The following PLTP variants were observed in gnomAD, a reference collection of about 807,000 sequenced individuals.
PLTP encodes the protein phospholipid transfer protein.
Under a neutral mutation model 54.1 loss-of-function variants are expected in PLTP, and 43 were observed. The observed-to-expected ratio is 0.79, with a 90% CI of 0.62 to 1.02. PLTP has a LOEUF of 1.02. Ranked by LOEUF, PLTP falls within the 50% of genes least tolerant of loss-of-function variation. The pLI is 0.00. For missense variants in PLTP, 604 were observed against 645.9 expected (o/e 0.94, Z 0.70); for synonymous variants, 263 against 264.6 (o/e 0.99, Z 0.06).
intron 12 of PLTP, among the ~76,000 whole-genome samples, chr20:45,901,373 C>T (rs375344296): frequency 2.0e-5 from 3 of 151,758 alleles, no homozygotes; most frequent in Non-Finnish European, 2.9e-5. Flanking sequence ...TAAGGTGGGA[C>T]GATCACTTGA....
Position 45,899,670 on chromosome 20 carries a change from C to G in PLTP, c.1234G>C (p.Ala412Pro). The G allele has an allele frequency of 6.2e-7, 1 of 1,613,668 alleles. No homozygotes were observed. Among genetic ancestry groups the G allele is most frequent in the Non-Finnish European group, 8.5e-7 (1 of 1,179,922 alleles). ...LESLALIPLQ[A>P]PLKTMLQIGV... ...ATCTGCAGCATGGTCTTCAGAGGGG[C>G]CTGTAATGGGATCAGCTGGGAGGGG... The change falls in exon 14 of 16, where the codon GCC becomes CCC. Residue 412 changes from alanine to proline, a missense_variant. By Grantham distance (27) the Ala-to-Pro change is conservative (BLOSUM62 -1). Transcript: ENST00000372431.
At chr20:45,909,389 A>T in intron 5 of PLTP, 127 bp downstream of exon 5, 1 of 966,272 alleles carries the variant, frequency 1.0e-6, no homozygotes, top group Non-Finnish European at 1.6e-6. Context: ...TCACACAGCC[A>T]GGAAGTGACA....
In PLTP at chr20:45,911,453, G is replaced by A. The variant is rs2083292280; in HGVS notation, c.-1C>T. ...GGAAGAGGGCCCCGAAGAGGGCCAT[G>A]GCGAGCGGGCCTGGGGGTGGGGTGG... On this transcript the variant is annotated 5_prime_UTR_variant, in exon 2 of 16. Coordinates refer to ENST00000372431, the MANE Select transcript of PLTP (RefSeq NM_006227.4). 1 of 1,603,174 alleles carries A rather than the reference G, an allele frequency of 6.2e-7. No homozygotes were observed. Among genetic ancestry groups the A allele is most frequent in the African/African-American group, 1.3e-5 (1 of 74,942 alleles).
rs1329820751 is a variant in PLTP at position 45,899,860 on chromosome 20, G to C, written c.1194C>G (p.Asn398Lys). 6.8e-7 allele frequency: 1 copy of C among 1,462,576 alleles called. No individual in the cohort carries two copies. The highest frequency in any genetic ancestry group is 1.2e-5 in the South Asian group (1 of 82,364). The allele number at this position is 1,462,576 out of a possible 1,614,324, so 90.6% of individuals were successfully genotyped here. A position where few individuals can be genotyped will look rare whatever the true frequency, so the allele number is the denominator to read the frequency against. ...CAGCCAGCGACTCCAGTGCAGAATG[G>C]TTGGAATAGATTCGGAACCTGCGGG... ...LDLRRFRIYS[N>K]HSALESLALI... is the part of the protein sequence containing the mutation. The change falls in exon 13 of 16, where the codon AAC becomes AAG. Residue 398 changes from asparagine (N) to lysine (K), a missense_variant. Asn to Lys is a moderately conservative substitution (Grantham distance 94, BLOSUM62 0). Coordinates refer to ENST00000372431, the MANE Select transcript of PLTP (RefSeq NM_006227.4).
At position 45,907,332 on chromosome 20, in the gene PLTP, C is replaced by CA. The variant is rs201245712; in HGVS notation, c.613+359dup. Among the ~76,000 whole-genome samples, 550 of 99,394 alleles carry CA rather than the reference C, an allele frequency of 5.5e-3. 4 individuals are homozygous for CA. Among genetic ancestry groups the CA allele is most frequent in the African/African-American group, 0.013 (361 of 28,378 alleles). 65.2% of individuals were successfully genotyped at this position (99,394 alleles called of 152,430 possible). A position where few individuals can be genotyped will look rare whatever the true frequency, so the allele number is the denominator to read the frequency against. ...CAGAGTGAGACTGTAAGACTCCGTG[C>CA]AAAAAAAAAAAAAAAAGAAAGAAAA... On this transcript the variant is annotated intron_variant, in intron 7 of 15. Transcript: ENST00000372431.
intron 5 of PLTP, 102 bp downstream of exon 5, chr20:45,909,414 A>C: frequency 7.8e-7 from 1 of 1,285,308 alleles, no homozygotes; most frequent in Non-Finnish European, 1.1e-6. Flanking sequence ...TGAGCTTTGG[A>C]CCCAGTTGGT....
intron 10 of PLTP, 114 bp downstream of exon 10, chr20:45,904,686 C>T (rs2083221348): frequency 4.1e-6 from 4 of 965,642 alleles, no homozygotes; most frequent in Admixed American, 1.7e-5. Flanking sequence ...GGATTGGCCA[C>T]AGACAAGAGG....
chr20:45,901,469 A>C (rs2083183237), intron 12 of PLTP, among the ~76,000 whole-genome samples: 1 of 152,104 alleles, frequency 6.6e-6, no homozygotes, highest in Non-Finnish European at 1.5e-5. Flanking sequence ...TAGTGCATGC[A>C]TGCAGTCCCA....
Position 45,902,322 on chromosome 20 carries a change from T to C in PLTP, c.1120A>G (p.Ser374Gly), listed in dbSNP as rs750007431. 6.0e-5 allele frequency: 97 copies of C among 1,614,050 alleles called. No individual in the cohort carries two copies. Among genetic ancestry groups the C allele is most frequent in the Non-Finnish European group, 7.8e-5 (92 of 1,180,052 alleles). The change falls in exon 12 of 16, where the codon AGC (serine) becomes GGC (glycine). Residue 374 changes from serine to glycine, a missense_variant. By Grantham distance (56) the Ser-to-Gly change is moderately conservative. Coordinates refer to ENST00000372431, the MANE Select transcript of PLTP (RefSeq NM_006227.4). ...TTCCCCCGGAGAGCCATCTTGGCGC[T>C]GAGACGGGCGTCCTGCAGGAACATG... Reference protein sequence around the residue: ...LSSMTMDARLSAKMALRGKAL... With the variant: ...LSSMTMDARLGAKMALRGKAL...
rs776169833 is a variant in PLTP at position 45,904,971 on chromosome 20, C to T, written c.853G>A (p.Ala285Thr). The change falls in exon 9 of 16, where the codon GCC becomes ACC. Residue 285 changes from alanine (A) to threonine (T), a missense_variant. Transcript: ENST00000372431. ...TCCCCCACCAGCAACAGCTGCAGGG[C>T]CCCCGCCCGGAAGTAGCTCTCCATG... ...SAMESYFRAG[A>T]LQLLLVGDKV... is the part of the protein sequence containing the mutation. 1.9e-6 allele frequency: 3 copies of T among 1,614,112 alleles called. No homozygotes were observed. In the African/African-American group the frequency reaches 4.0e-5, roughly 22 times the overall value.
At chr20:45,904,437 T>G (rs1271838548) in intron 10 of PLTP, among the ~76,000 whole-genome samples, 1 of 152,080 alleles carries the variant, frequency 6.6e-6, no homozygotes, top group African/African-American at 2.4e-5. Context: ...CATTCCAACT[T>G]GGGTGACAAA....
At chr20:45,901,487 G>A (rs905928753) in intron 12 of PLTP, among the ~76,000 whole-genome samples, 9 of 152,110 alleles carry the variant, frequency 5.9e-5, no homozygotes, top group Non-Finnish European at 1.2e-4. Context: ...CCAGTTACTC[G>A]GGAGGCTGAG....
intron 7 of PLTP, among the ~76,000 whole-genome samples, chr20:45,907,459 A>G (rs989425307): frequency 3.3e-5 from 5 of 152,196 alleles, no homozygotes; most frequent in Non-Finnish European, 7.3e-5. Flanking sequence ...GACCTTGACA[A>G]CTATTCTCTC....
rs1454075180 is a variant in PLTP, at chr20:45,909,670, A to G, written c.331T>C (p.Tyr111His). 1 of 1,614,006 alleles carries G rather than the reference A, an allele frequency of 6.2e-7. No individual in the cohort carries two copies. The highest frequency in any genetic ancestry group is 1.7e-5 in the Admixed American group (1 of 60,002). ...GAGGCGTTGATGTAGCCCCCATCAT[A>G]GCTGCCAGGGGGGTTAATATTCACT... is the stretch of plus-strand genomic sequence containing the variant. ...FRRQLLYWFFYDGGYINASAE... is the reference protein window; with the variant it reads ...FRRQLLYWFFHDGGYINASAE... The change falls in exon 5 of 16, where the codon TAT becomes CAT. Residue 111 changes from tyrosine to histidine, a missense_variant and splice_region_variant. Physicochemically the swap from Tyr to His is moderately conservative, Grantham distance 83 (BLOSUM62 2). Coordinates refer to ENST00000372431, the MANE Select transcript of PLTP (RefSeq NM_006227.4).
chr20:45,899,807 G>GGGGCCGGGGGGCCCCCCCCCCC, intron 13 of PLTP, 29 bp downstream of exon 13: 1 of 1,369,468 alleles, frequency 7.3e-7, no homozygotes, highest in Non-Finnish European at 1.0e-6. Flanking sequence ...CACGAACCCA[G>GGGGCCGGGGGGCCCCCCCCCCC]CCCAGCCCAC....
At chr20:45,911,052 C>T (rs1459587017) in intron 3 of PLTP, 100 bp downstream of exon 3, 15 of 1,609,908 alleles carry the variant, frequency 9.3e-6, no homozygotes, top group Non-Finnish European at 1.2e-5. Flanking sequence ...CACGCCCCAT[C>T]CCACTCAGCC....
intron 10 of PLTP, among the ~76,000 whole-genome samples, chr20:45,904,115 A>G (rs1042467929): frequency 1.1e-4 from 16 of 152,220 alleles, no homozygotes; most frequent in African/African-American, 3.6e-4. Flanking sequence ...CTGACAATAG[A>G]GACCCTGCCC....
At position 45,907,574 on chromosome 20, in the gene PLTP, A is replaced by G. The variant is rs1369927915; in HGVS notation, c.613+118T>C. 2.5e-5 allele frequency: 24 copies of G among 949,098 alleles called. No homozygotes were observed. In the Admixed American group the frequency reaches 4.6e-4, roughly 18 times the overall value. The allele number at this position is 949,098 out of a possible 1,614,324, so 58.8% of individuals were successfully genotyped here. On this transcript the variant is annotated intron_variant, in intron 7 of 15. Transcript: ENST00000372431. ...GCACTTCACCCAAAATCGCACAACA[A>G]GTCAGCTCCAGGGGCCACATTTGAA...
chr20:45,899,192 A>T, intron 15 of PLTP, 129 bp from the exon 16 acceptor site: 2 of 1,376,818 alleles, frequency 1.5e-6, no homozygotes, highest in East Asian at 4.6e-5. Flanking sequence ...AGGTGTTAAA[A>T]TGAGGCTGTA....
Sources: allele counts gnomAD v4.1 joint callset (sites outside exome capture counted in the v4.1 genomes callset), GRCh38; gene constraint gnomAD v4.1.1; transcripts MANE v1.5; gene names NCBI Gene and HGNC (gene_info 2026-07-23, HGNC 2026-07-21).